UTRN: variants seen among roughly 807,000 people sequenced by gnomAD.
UTRN encodes utrophin, also known as dystrophin-related protein 1.
Under a neutral mutation model 463.9 loss-of-function variants are expected in UTRN, and 283 were observed. The observed-to-expected ratio is 0.61, with a 90% CI of 0.55 to 0.67. The LOEUF (loss-of-function observed/expected upper bound fraction) is 0.67, where lower values mean the gene tolerates loss of function less well. UTRN is among the 30% of genes least tolerant of loss of function. UTRN has a pLI of 0.00. For synonymous variants in UTRN, 1,442 were observed against 1,431.5 expected (o/e 1.01, Z -0.17); for missense variants, 3,922 against 4,084.3 (o/e 0.96, Z 1.08).
intron 2 of UTRN, among the ~76,000 whole-genome samples, chr6:144,379,396 G>A (rs941209204): frequency 6.6e-6 from 1 of 152,076 alleles, no homozygotes; most frequent in African/African-American, 2.4e-5. Flanking sequence ...CGAGGCTAGA[G>A]GATCTGATTC....
chr6:144,387,901 C>G (rs1428507262), intron 2 of UTRN, among the ~76,000 whole-genome samples: 1 of 152,176 alleles, frequency 6.6e-6, no homozygotes, highest in African/African-American at 2.4e-5. Flanking sequence ...TTACCATCCT[C>G]CACCAAAGCA....
At chr6:144,725,066 C>T (rs1400213783) in intron 53 of UTRN, among the ~76,000 whole-genome samples, 2 of 152,216 alleles carry the variant, frequency 1.3e-5, no homozygotes, top group Non-Finnish European at 2.9e-5. Context: ...CCACCCAAAT[C>T]TCACTGAATT....
chr6:144,708,341 C>A, intron 53 of UTRN: 1 of 666,596 alleles, frequency 1.5e-6, no homozygotes, highest in South Asian at 1.4e-5. Context: ...ATTTTCCAGT[C>A]CCAAAACTGA....
At chr6:144,615,456 C>G (rs945195728) in intron 51 of UTRN, among the ~76,000 whole-genome samples, 2 of 152,118 alleles carry the variant, frequency 1.3e-5, no homozygotes, top group Non-Finnish European at 2.9e-5. Flanking sequence ...CACTGCCTTT[C>G]CCTTTAGACA....
intron 2 of UTRN, among the ~76,000 whole-genome samples, chr6:144,391,733 C>T (rs1002661058): frequency 5.9e-5 from 9 of 152,160 alleles, no homozygotes; most frequent in Non-Finnish European, 8.8e-5. Context: ...GCTCCGCCTC[C>T]GGGGTTCACA....
intron 51 of UTRN, among the ~76,000 whole-genome samples, chr6:144,638,669 A>G (rs1482521620): frequency 6.6e-6 from 1 of 152,236 alleles, no homozygotes; most frequent in Non-Finnish European, 1.5e-5. Flanking sequence ...CAATTAATCA[A>G]AGTTACTAAA....
At chr6:144,477,574 T>G (rs370446359) in intron 25 of UTRN, among the ~76,000 whole-genome samples, 2 of 151,742 alleles carry the variant, frequency 1.3e-5, no homozygotes, top group South Asian at 4.2e-4. Flanking sequence ...ACACACCCTT[T>G]TTTTTTGGTA....
intron 15 of UTRN, 109 bp downstream of exon 15, chr6:144,447,427 G>A: frequency 7.8e-7 from 1 of 1,277,592 alleles, no homozygotes; most frequent in Non-Finnish European, 1.1e-6. Context: ...TCATTACCTA[G>A]CATTAGACTG....
chr6:144,773,996 T>C (rs1383327122), intron 59 of UTRN, among the ~76,000 whole-genome samples: 1 of 152,188 alleles, frequency 6.6e-6, no homozygotes, highest in Admixed American at 6.5e-5. Flanking sequence ...TACTGAGGCC[T>C]TCCAGTCTCC....
intron 54 of UTRN, among the ~76,000 whole-genome samples, chr6:144,732,300 A>AT (rs1491297906): frequency 8.6e-6 from 1 of 116,720 alleles, no homozygotes; most frequent in East Asian, 7.4e-4. Context: ...ATATATACAC[A>AT]TATATATATA....
chr6:144,636,668 A>C (rs775977656), intron 51 of UTRN, among the ~76,000 whole-genome samples: 3 of 152,238 alleles, frequency 2.0e-5, no homozygotes, highest in Non-Finnish European at 4.4e-5. Flanking sequence ...ATTTTAATAC[A>C]TATTTGCAGA....
intron 52 of UTRN, among the ~76,000 whole-genome samples, chr6:144,687,446 C>T (rs566862564): frequency 6.6e-6 from 1 of 151,256 alleles, no homozygotes; most frequent in African/African-American, 2.4e-5. Flanking sequence ...TAAAAACAAT[C>T]AAAAAAAGAC....
At chr6:144,533,842 C>T (rs927037413) in intron 43 of UTRN, among the ~76,000 whole-genome samples, 1 of 152,024 alleles carries the variant, frequency 6.6e-6, no homozygotes, top group Admixed American at 6.6e-5. Context: ...TAATGCCCAA[C>T]ACTATAGACA....
chr6:144,438,979 G>C (rs115390696), intron 12 of UTRN, 84 bp downstream of exon 12: 1 of 1,435,996 alleles, frequency 7.0e-7, no homozygotes, highest in Non-Finnish European at 9.6e-7. Flanking sequence ...GACATCTATC[G>C]TTAACATGAA....
At chr6:144,824,013 A>G (rs567874671) in intron 66 of UTRN, among the ~76,000 whole-genome samples, 3 of 152,242 alleles carry the variant, frequency 2.0e-5, no homozygotes, top group Non-Finnish European at 4.4e-5. Context: ...CTGAAAGATT[A>G]ATAGGGCTAA....
At chr6:144,437,195 C>T (rs984208321) in intron 10 of UTRN, among the ~76,000 whole-genome samples, 2 of 152,062 alleles carry the variant, frequency 1.3e-5, no homozygotes, top group African/African-American at 4.8e-5. Context: ...CCTAGGTGAT[C>T]CACCTGCCTC....
intron 40 of UTRN, 107 bp from the exon 41 acceptor site, chr6:144,522,909 C>T (rs1453342909): frequency 1.1e-6 from 1 of 916,478 alleles, no homozygotes; most frequent in Non-Finnish European, 1.6e-6. Context: ...GATTATGTCT[C>T]ATTATTATTT....
intron 48 of UTRN, among the ~76,000 whole-genome samples, chr6:144,552,913 C>T (rs547262800): frequency 6.6e-6 from 1 of 152,244 alleles, no homozygotes; most frequent in Middle Eastern, 3.4e-3. Context: ...GCCTCTCTTC[C>T]TTAAGTTTAA....
intron 2 of UTRN, among the ~76,000 whole-genome samples, chr6:144,324,231 A>G (rs1775840611): frequency 6.6e-6 from 1 of 152,188 alleles, no homozygotes; most frequent in South Asian, 2.1e-4. Context: ...AATTTATTTA[A>G]ATTTTTAATA....
Sources: allele counts gnomAD v4.1 joint callset (sites outside exome capture counted in the v4.1 genomes callset), GRCh38; gene constraint gnomAD v4.1.1; transcripts MANE v1.5; gene names NCBI Gene and HGNC (gene_info 2026-07-23, HGNC 2026-07-21).